IMPG1: variants seen among roughly 807,000 people sequenced by gnomAD.
IMPG1 encodes the protein interphotoreceptor matrix proteoglycan 1.
A neutral mutation model predicts 92.0 loss-of-function variants in IMPG1; 85 were observed. The ratio of observed to expected loss-of-function variants is 0.92; its 90% confidence interval spans 0.78 to 1.11. The LOEUF (loss-of-function observed/expected upper bound fraction) is 1.11. Ranked by LOEUF, IMPG1 falls within the 50% of genes least tolerant of loss-of-function variation. The pLI, the probability that IMPG1 is intolerant of heterozygous loss-of-function variation, is 0.00. For synonymous variants in IMPG1, 367 were observed against 334.1 expected (o/e 1.10, Z -1.08); for missense variants, 1,022 against 956.0 (o/e 1.07, Z -0.91).
At chr6:75,923,197 G>T (rs1174978204) in intron 16 of IMPG1, among the ~76,000 whole-genome samples, 1 of 151,940 alleles carries the variant, frequency 6.6e-6, no homozygotes, top group Non-Finnish European at 1.5e-5. Flanking sequence ...GAACTTTTAC[G>T]AATTTTTGAA....
In IMPG1 at chr6:76,042,175, A is replaced by G. The variant is rs73468823; in HGVS notation, c.68-49T>C. 9.6e-4 allele frequency: 887 copies of G among 926,724 alleles called. 3 individuals are homozygous for G. The African/African-American group carries it at 0.011, about 11-fold the overall frequency. 57.4% of individuals were successfully genotyped at this position (926,724 alleles called of 1,614,324 possible). On this transcript the variant is annotated intron_variant, in intron 1 of 16. Transcript: ENST00000369950. Reference sequence around the variant, plus strand: ...TGGTGAATATATACATTTATGTGTTATATGTGACATATATGGATAAATGAC... The same window carrying G: ...TGGTGAATATATACATTTATGTGTTGTATGTGACATATATGGATAAATGAC...
intron 1 of IMPG1, among the ~76,000 whole-genome samples, chr6:76,065,545 T>A (rs1341164073): frequency 2.0e-5 from 3 of 151,894 alleles, no homozygotes; most frequent in African/African-American, 4.8e-5. Flanking sequence ...AATAAAAAAA[T>A]TTTAAAAAGG....
intron 7 of IMPG1, among the ~76,000 whole-genome samples, chr6:76,013,517 G>C (rs969021674): frequency 2.6e-5 from 4 of 151,988 alleles, no homozygotes; most frequent in Middle Eastern, 6.8e-3. Context: ...CATTTGTAGA[G>C]CCCCAAAGTC....
intron 12 of IMPG1, among the ~76,000 whole-genome samples, chr6:75,964,672 T>C (rs1226329285): frequency 1.3e-5 from 1 of 77,174 alleles, no homozygotes; most frequent in Non-Finnish European, 2.2e-5. Flanking sequence ...GTGAGACTAG[T>C]CTCAAAAAAA....
intron 1 of IMPG1, among the ~76,000 whole-genome samples, chr6:76,045,480 A>G (rs979920506): frequency 2.8e-5 from 4 of 143,368 alleles, no homozygotes; most frequent in Non-Finnish European, 4.5e-5. Context: ...CAAATATTAG[A>G]TACCTTGACT....
At chr6:76,034,499 T>C in intron 3 of IMPG1, 122 bp downstream of exon 3, 4 of 1,243,192 alleles carry the variant, frequency 3.2e-6, no homozygotes, top group Non-Finnish European at 4.6e-6. Flanking sequence ...CCTAATCAGA[T>C]ACCTCCAAGC....
chr6:76,005,654 A>G, intron 9 of IMPG1, 120 bp from the exon 10 acceptor site: 1 of 914,558 alleles, frequency 1.1e-6, no homozygotes, highest in Non-Finnish European at 1.7e-6. Context: ...ATGGGCTCGG[A>G]GAGAATATCC....
intron 1 of IMPG1, among the ~76,000 whole-genome samples, chr6:76,058,490 T>C (rs1373760929): frequency 1.3e-5 from 2 of 152,154 alleles, no homozygotes; most frequent in Non-Finnish European, 2.9e-5. Flanking sequence ...ATTTTTATTT[T>C]ATAGGCAAGA....
chr6:75,996,640 C>T (rs1782907641), intron 12 of IMPG1, among the ~76,000 whole-genome samples: 1 of 152,152 alleles, frequency 6.6e-6, no homozygotes, highest in African/African-American at 2.4e-5. Flanking sequence ...CATCATGATG[C>T]AACAGGGAAT....
At chr6:76,061,800 C>T (rs1215157508) in intron 1 of IMPG1, among the ~76,000 whole-genome samples, 1 of 152,136 alleles carries the variant, frequency 6.6e-6, no homozygotes, top group African/African-American at 2.4e-5. Flanking sequence ...CAGTGATGCA[C>T]ATATCAGATG....
At chr6:76,019,198 C>G (rs1384391710) in intron 6 of IMPG1, among the ~76,000 whole-genome samples, 1 of 152,144 alleles carries the variant, frequency 6.6e-6, no homozygotes, top group African/African-American at 2.4e-5. Flanking sequence ...GTCTCCATCA[C>G]TAAGGGCCAA....
At chr6:75,958,052 C>T (rs1782157973) in intron 12 of IMPG1, among the ~76,000 whole-genome samples, 1 of 152,124 alleles carries the variant, frequency 6.6e-6, no homozygotes, top group African/African-American at 2.4e-5. Flanking sequence ...ACCAGTTGTT[C>T]CTTTTCATAT....
chr6:76,010,606 GA>G (rs1783167741), intron 8 of IMPG1, among the ~76,000 whole-genome samples: 1 of 152,052 alleles, frequency 6.6e-6, no homozygotes, highest in African/African-American at 2.4e-5. Flanking sequence ...AGATTACTAT[GA>G]ATCAGATGTC....
At chr6:75,968,443 G>C (rs1782347091) in intron 12 of IMPG1, among the ~76,000 whole-genome samples, 1 of 151,948 alleles carries the variant, frequency 6.6e-6, no homozygotes. Context: ...TAGCAATGTA[G>C]AAAAATTCTA....
intron 12 of IMPG1, among the ~76,000 whole-genome samples, chr6:75,998,644 G>A (rs1782937597): frequency 6.6e-6 from 1 of 152,102 alleles, no homozygotes; most frequent in South Asian, 2.1e-4. Context: ...AATTTGGGAG[G>A]GAGGACACTA....
chr6:76,017,035 A>G (rs1292156993), intron 7 of IMPG1, among the ~76,000 whole-genome samples: 1 of 152,156 alleles, frequency 6.6e-6, no homozygotes, highest in Non-Finnish European at 1.5e-5. Flanking sequence ...GGAACTTTCC[A>G]TGTTGAAGTA....
At chr6:75,970,728 G>A (rs1166770460) in intron 12 of IMPG1, among the ~76,000 whole-genome samples, 1 of 152,080 alleles carries the variant, frequency 6.6e-6, no homozygotes, top group Admixed American at 6.6e-5. Context: ...ATGCAATAAT[G>A]TAATTTTTAA....
At chr6:76,028,540 C>G (rs530671943) in intron 4 of IMPG1, among the ~76,000 whole-genome samples, 265 of 152,258 alleles carry the variant, frequency 1.7e-3, no homozygotes, top group African/African-American at 5.7e-3. Flanking sequence ...TAGCCTTTAA[C>G]AAGTAAGGGC....
intron 1 of IMPG1, among the ~76,000 whole-genome samples, chr6:76,046,101 A>T (rs1472712690): frequency 6.7e-6 from 1 of 150,132 alleles, no homozygotes; most frequent in East Asian, 2.0e-4. Flanking sequence ...AAAAAAAAAA[A>T]TAACCACCTT....
Sources: allele counts gnomAD v4.1 joint callset (sites outside exome capture counted in the v4.1 genomes callset), GRCh38; gene constraint gnomAD v4.1.1; transcripts MANE v1.5; gene names NCBI Gene and HGNC (gene_info 2026-07-23, HGNC 2026-07-21).